The following ATXN2 variants were observed in gnomAD, a reference collection of about 807,000 sequenced individuals.
The protein encoded by ATXN2 is ataxin 2.
In ATXN2, 37 loss-of-function variants were observed where a neutral mutation model predicts 138.6. The observed-to-expected ratio is 0.27, with a 90% CI of 0.21 to 0.35. The LOEUF is 0.35. Among genes scored for constraint, ATXN2 ranks in the 10% least tolerant of loss-of-function variants. The pLI is 1.00. For missense variants in ATXN2, 1,216 were observed against 1,480.3 expected (o/e 0.82, Z 2.93); for synonymous variants, 549 against 543.7 (o/e 1.01, Z -0.13).
chr12:111,522,615 A>G (rs1027609896), intron 6 of ATXN2, among the ~76,000 whole-genome samples: 1 of 147,368 alleles, frequency 6.8e-6, no homozygotes, highest in Non-Finnish European at 1.5e-5. Context: ...ATCTTAAAAG[A>G]AAAAAAAAGA....
chr12:111,485,376 A>G (rs1592819812), intron 17 of ATXN2, 45 bp from the exon 18 acceptor site: 1 of 1,514,228 alleles, frequency 6.6e-7, no homozygotes, highest in African/African-American at 1.4e-5. Flanking sequence ...ACCTATGATA[A>G]TAACAAGGTA....
At chr12:111,473,899 T>C (rs760760621) in intron 18 of ATXN2, among the ~76,000 whole-genome samples, 33 of 151,786 alleles carry the variant, frequency 2.2e-4, no homozygotes, top group Non-Finnish European at 3.7e-4. Flanking sequence ...GGGAAAAAAA[T>C]ACAAGACAAG....
chr12:111,506,700 C>CCCTCTGATGCCGAG (rs1398414029), intron 14 of ATXN2, among the ~76,000 whole-genome samples: 108 of 146,178 alleles, frequency 7.4e-4, no homozygotes, highest in Middle Eastern at 3.5e-3. Flanking sequence ...TCCACGGTCT[C>CCCTCTGATGCCGAG]CCTCTGATGC....
chr12:111,585,829 A>C (rs932491314), intron 1 of ATXN2, among the ~76,000 whole-genome samples: 3 of 150,422 alleles, frequency 2.0e-5, no homozygotes, highest in African/African-American at 4.9e-5. Context: ...AAAAAAAAAA[A>C]ACCTCCCAGA....
At chr12:111,510,636 T>TA (rs1268049495) in intron 11 of ATXN2, 54 bp from the exon 12 acceptor site, 39 of 1,478,284 alleles carry the variant, frequency 2.6e-5, no homozygotes, top group Admixed American at 3.8e-5. Flanking sequence ...TGTTACTTCC[T>TA]AAAAGAGGCT....
chr12:111,467,027 TA>T (rs1238139916), intron 20 of ATXN2, among the ~76,000 whole-genome samples: 2 of 152,148 alleles, frequency 1.3e-5, no homozygotes, highest in African/African-American at 4.8e-5. Flanking sequence ...TTTGATATAA[TA>T]AGGCTTTGAA....
chr12:111,561,047 T>C (rs548059808), intron 1 of ATXN2, among the ~76,000 whole-genome samples: 1 of 151,644 alleles, frequency 6.6e-6, no homozygotes, highest in East Asian at 1.9e-4. Flanking sequence ...TAGCCAGGCG[T>C]GGTGGCAGGC....
Position 111,552,177 on chromosome 12 carries a change from A to G in ATXN2, c.571+103T>C, listed in dbSNP as rs768599482. 4 of 1,269,342 alleles carry G rather than the reference A, an allele frequency of 3.2e-6. No individual in the cohort carries two copies. The South Asian group carries it at 6.4e-5, about 20-fold the overall frequency. The allele number at this position is 1,269,342 out of a possible 1,614,324, so 78.6% of individuals were successfully genotyped here. On this transcript the variant is annotated intron_variant, in intron 5 of 24. Coordinates refer to ENST00000673436, the MANE Select transcript of ATXN2 (RefSeq NM_001372574.1). The surrounding 1 kb of genome is among the most constrained non-coding windows in gnomAD (Gnocchi z 4.1). ...ATTACAGGAATGAGCCGCCATACCC[A>G]GCCCAGATATTTCTTTAAAAAAAGT...
chr12:111,513,670 T>G, intron 10 of ATXN2, 131 bp from the exon 11 acceptor site: 1 of 745,122 alleles, frequency 1.3e-6, no homozygotes. Flanking sequence ...TGGTTAAAAA[T>G]AGAAAAAAAA....
At chr12:111,560,297 G>A (rs1227163342) in intron 1 of ATXN2, among the ~76,000 whole-genome samples, 6 of 152,064 alleles carry the variant, frequency 3.9e-5, no homozygotes, top group African/African-American at 1.4e-4. Context: ...ACCATATTAG[G>A]TATTATAAGT....
At chr12:111,584,732 G>A (rs375825914) in intron 1 of ATXN2, among the ~76,000 whole-genome samples, 198 of 151,764 alleles carry the variant, frequency 1.3e-3, no homozygotes, top group African/African-American at 4.6e-3. Flanking sequence ...TTGGGAGGCC[G>A]AGGCAAGTGG....
intron 14 of ATXN2, among the ~76,000 whole-genome samples, chr12:111,506,872 G>A (rs1053674368): frequency 1.3e-5 from 2 of 152,122 alleles, no homozygotes; most frequent in South Asian, 4.1e-4. Flanking sequence ...CGCTGTGTTG[G>A]CCGGGCTGGT....
chr12:111,537,780 G>T lies in ATXN2; in HGVS notation c.572-12464C>A, dbSNP rs1018213325. ...AAAATGTAAATTGATTGTAGTGATG[G>T]TTGCACAATGCTGTGAATATATTTT... On this transcript the variant is annotated intron_variant, in intron 5 of 24. Transcript: ENST00000673436. Among the ~76,000 whole-genome samples, 6 of 152,100 alleles carry T rather than the reference G, an allele frequency of 3.9e-5. No homozygotes were observed. In the South Asian group the frequency reaches 6.2e-4, roughly 16 times the overall value.
chr12:111,525,182 T>C lies in ATXN2; in HGVS notation c.696+10A>G, dbSNP rs764037693. On this transcript the variant is annotated intron_variant, in intron 6 of 24. Transcript: ENST00000673436. ...CAGAGTCTAGCAATAATTACAAAGA[T>C]GTTACTTACTACGTCATTTTCCAAA... 4 of 1,604,516 alleles carry C rather than the reference T, an allele frequency of 2.5e-6. No individual in the cohort carries two copies. The African/African-American group carries it at 4.0e-5, about 16-fold the overall frequency.
intron 1 of ATXN2, among the ~76,000 whole-genome samples, chr12:111,593,239 G>A (rs1884769263): frequency 6.6e-6 from 1 of 151,652 alleles, no homozygotes. Flanking sequence ...GATTACAGGC[G>A]CCCACCACCA....
Position 111,598,224 on chromosome 12 carries a change from G to T in ATXN2, c.251+560C>A. 1 of 1,049,190 alleles carries T rather than the reference G, an allele frequency of 9.5e-7. No individual in the cohort carries two copies. Among genetic ancestry groups the T allele is most frequent in the Non-Finnish European group, 1.2e-6 (1 of 866,526 alleles). 65.0% of individuals were successfully genotyped at this position (1,049,190 alleles called of 1,614,324 possible). A position where few individuals can be genotyped will look rare whatever the true frequency, so the allele number is the denominator to read the frequency against. ...CTTTCCCAGGACTCGGAGGGGGCGG[G>T]GAGAGAGCCCCGACAGACCCTGATG... On this transcript the variant is annotated intron_variant, in intron 1 of 24. Transcript: ENST00000673436. This position sits in a 1 kb window ranked among gnomAD's most constrained non-coding sequence, Gnocchi z 4.5.
intron 23 of ATXN2, chr12:111,455,591 G>C (rs1875021076): frequency 6.7e-6 from 2 of 300,380 alleles, no homozygotes; most frequent in South Asian, 7.2e-5. Context: ...ACTCATGTGA[G>C]TAACAATCAA....
intron 1 of ATXN2, among the ~76,000 whole-genome samples, chr12:111,574,795 C>CA (rs1329000613): frequency 1.3e-5 from 2 of 152,142 alleles, no homozygotes; most frequent in African/African-American, 2.4e-5. Context: ...GCTAGTGACT[C>CA]AAGTTCCTGG....
chr12:111,572,827 G>A (rs965117985), intron 1 of ATXN2, among the ~76,000 whole-genome samples: 5 of 152,146 alleles, frequency 3.3e-5, no homozygotes, highest in Admixed American at 1.3e-4. Context: ...CAGGGAAAGC[G>A]TGGGCAAGTG....
Sources: gnomAD v4.1 joint callset for allele counts (sites outside exome capture counted in the v4.1 genomes callset) on GRCh38, gnomAD v4.1.1 for gene constraint, Gnocchi (gnomAD v3.1) non-coding constraint, MANE v1.5 for transcripts, NCBI Gene and HGNC (gene_info 2026-07-23, HGNC 2026-07-21) for gene names.